The following SERGEF variants were observed in gnomAD, a reference collection of about 807,000 sequenced individuals.
SERGEF encodes the protein secretion-regulating guanine nucleotide exchange factor.
In SERGEF, 51 loss-of-function variants were observed where a neutral mutation model predicts 50.0. That is an observed-to-expected ratio of 1.02 (90% CI 0.81 to 1.29). The LOEUF (loss-of-function observed/expected upper bound fraction) is 1.29, where lower values mean the gene tolerates loss of function less well. Among genes scored for constraint, SERGEF ranks in the 50% most tolerant of loss-of-function variants. SERGEF has a pLI of 0.00. For synonymous variants in SERGEF, 205 were observed against 212.4 expected (o/e 0.97, Z 0.30); for missense variants, 521 against 557.0 (o/e 0.94, Z 0.65).
At chr11:17,933,131 G>A (rs1368320010) in intron 9 of SERGEF, among the ~76,000 whole-genome samples, 1 of 152,126 alleles carries the variant, frequency 6.6e-6, no homozygotes, top group East Asian at 1.9e-4. Context: ...TGAAAAGTCA[G>A]CTGTACTATA....
intron 9 of SERGEF, among the ~76,000 whole-genome samples, chr11:17,939,292 CAT>C (rs1413800052): frequency 6.6e-6 from 1 of 152,140 alleles, no homozygotes; most frequent in Non-Finnish European, 1.5e-5. Context: ...ATCCTGGAAA[CAT>C]AAGTTATTTG....
intron 9 of SERGEF, among the ~76,000 whole-genome samples, chr11:17,918,101 A>C (rs1317751599): frequency 6.6e-6 from 1 of 152,168 alleles, no homozygotes; most frequent in Non-Finnish European, 1.5e-5. Flanking sequence ...ACAAGCTAAG[A>C]AGTGGTACAG....
intron 9 of SERGEF, among the ~76,000 whole-genome samples, chr11:17,946,015 GA>G (rs1324264834): frequency 6.6e-6 from 1 of 152,004 alleles, no homozygotes; most frequent in Non-Finnish European, 1.5e-5. Context: ...ACTCAAAGGT[GA>G]AAAGAAATTG....
intron 10 of SERGEF, among the ~76,000 whole-genome samples, chr11:17,852,928 G>A (rs1253291807): frequency 6.6e-6 from 1 of 152,156 alleles, no homozygotes; most frequent in Non-Finnish European, 1.5e-5. Flanking sequence ...AGAAATCCAT[G>A]AGAACTATCA....
intron 9 of SERGEF, among the ~76,000 whole-genome samples, chr11:17,936,594 T>G (rs1753862582): frequency 6.6e-6 from 1 of 152,116 alleles, no homozygotes; most frequent in South Asian, 2.1e-4. Flanking sequence ...CTTCAGTCAA[T>G]CCAAGGTAAT....
intron 3 of SERGEF, among the ~76,000 whole-genome samples, chr11:18,006,332 C>T (rs534728514): frequency 2.0e-4 from 30 of 152,164 alleles, no homozygotes; most frequent in African/African-American, 6.8e-4. Flanking sequence ...TGGGGTACCA[C>T]GCCTGGCTAA....
Position 17,878,261 on chromosome 11 carries a change from AGAC to A in SERGEF, c.1012-20_1012-18del. On this transcript the variant is annotated intron_variant, in intron 9 of 10. Transcript: ENST00000265965. ...ACAAGAGACCTGTAAAAAAAAAAAA[AGAC>A]AAAGAAAATGGATAGATATTTCAGC... is the stretch of plus-strand genomic sequence containing the variant. The A allele has an allele frequency of 6.8e-7, 1 of 1,479,762 alleles. No individual in the cohort carries two copies. Among genetic ancestry groups the A allele is most frequent in the East Asian group, 2.3e-5 (1 of 43,956 alleles). 91.7% of individuals were successfully genotyped at this position (1,479,762 alleles called of 1,614,324 possible). A position where few individuals can be genotyped will look rare whatever the true frequency, so the allele number is the denominator to read the frequency against.
At chr11:17,970,771 T>A (rs1224332519) in intron 8 of SERGEF, among the ~76,000 whole-genome samples, 2 of 152,190 alleles carry the variant, frequency 1.3e-5, no homozygotes, top group Non-Finnish European at 2.9e-5. Context: ...AGCCACAACA[T>A]TCTCTTAAGC....
At chr11:17,992,784 A>C (rs943900373) in intron 7 of SERGEF, 147 bp downstream of exon 7, 1 of 648,162 alleles carries the variant, frequency 1.5e-6, no homozygotes, top group Non-Finnish European at 2.7e-6. Context: ...AAGGAAAAGT[A>C]ATTTGCCTAA....
At chr11:17,807,544 G>A (rs1487084837) in intron 10 of SERGEF, among the ~76,000 whole-genome samples, 4 of 152,354 alleles carry the variant, frequency 2.6e-5, no homozygotes, top group South Asian at 2.1e-4. Context: ...CTCAGCCAAC[G>A]AAGCAGGCTG....
At chr11:17,977,167 A>T (rs1853395135) in intron 8 of SERGEF, among the ~76,000 whole-genome samples, 1 of 152,270 alleles carries the variant, frequency 6.6e-6, no homozygotes, top group Admixed American at 6.5e-5. Flanking sequence ...AATAAAGCAG[A>T]CCAAGTCCCT....
At position 17,912,109 on chromosome 11, in the gene SERGEF, CAGAG is replaced by C. The variant is rs1279453974; in HGVS notation, c.1012-33869_1012-33866del. On this transcript the variant is annotated intron_variant, in intron 9 of 10. Coordinates refer to ENST00000265965, the MANE Select transcript of SERGEF (RefSeq NM_012139.4). ...AGAGGGAGAAACAAAACAAAACAAA[CAGAG>C]AGAAGAGCAGGGGCTAAGAACTGAA... Among the ~76,000 whole-genome samples, 19 of 152,056 alleles carry C rather than the reference CAGAG, an allele frequency of 1.2e-4. No homozygotes were observed. The South Asian group carries it at 3.9e-3, about 32-fold the overall frequency.
chr11:17,976,131 A>G (rs1853368360), intron 8 of SERGEF, among the ~76,000 whole-genome samples: 1 of 152,174 alleles, frequency 6.6e-6, no homozygotes, highest in African/African-American at 2.4e-5. Context: ...ACTTACACCT[A>G]GCTCTTCAGG....
intron 9 of SERGEF, among the ~76,000 whole-genome samples, chr11:17,959,223 G>A (rs562118006): frequency 2.6e-5 from 4 of 152,242 alleles, no homozygotes; most frequent in South Asian, 2.1e-4. Flanking sequence ...TTCATTTCTT[G>A]CTCTTCACAG....
chr11:17,995,941 A>T (rs749208065), intron 5 of SERGEF, 32 bp from the exon 6 acceptor site: 4 of 1,470,554 alleles, frequency 2.7e-6, no homozygotes, highest in Non-Finnish European at 2.9e-6. Context: ...AAAGCAGAGA[A>T]GATGCACATC....
intron 10 of SERGEF, among the ~76,000 whole-genome samples, chr11:17,851,127 T>C (rs759675684): frequency 1.3e-5 from 2 of 152,230 alleles, no homozygotes; most frequent in Non-Finnish European, 2.9e-5. Flanking sequence ...ACTATGTATA[T>C]ATCTGTACCG....
Position 18,004,435 on chromosome 11 carries a change from C to G in SERGEF, c.447+6G>C. 1 of 1,607,006 alleles carries G rather than the reference C, an allele frequency of 6.2e-7. No individual in the cohort carries two copies. On this transcript the variant is annotated splice_donor_region_variant and intron_variant, in intron 4 of 10. Coordinates refer to ENST00000265965, the MANE Select transcript of SERGEF (RefSeq NM_012139.4). ...CATGGGCAAGCTAAATATTAACTGT[C>G]CTCACCTCAATGGCCTGGGGAACCA... is the stretch of plus-strand genomic sequence containing the variant.
At chr11:18,011,360 G>A (rs1854192165) in intron 1 of SERGEF, among the ~76,000 whole-genome samples, 1 of 152,136 alleles carries the variant, frequency 6.6e-6, no homozygotes, top group African/African-American at 2.4e-5. Flanking sequence ...GAGACACCAC[G>A]GATGCTCACG....
At chr11:17,800,372 A>G (rs1849647934) in intron 10 of SERGEF, among the ~76,000 whole-genome samples, 2 of 152,232 alleles carry the variant, frequency 1.3e-5, no homozygotes, top group South Asian at 4.1e-4. Flanking sequence ...TGACAAATGT[A>G]TAATGACATG....
Sources: gnomAD v4.1 joint callset for allele counts (sites outside exome capture counted in the v4.1 genomes callset) on GRCh38, gnomAD v4.1.1 for gene constraint, MANE v1.5 for transcripts, NCBI Gene and HGNC (gene_info 2026-07-23, HGNC 2026-07-21) for gene names.